UBL3: variants seen among roughly 807,000 people sequenced by gnomAD.
UBL3 encodes the protein ubiquitin-like protein 3.
Under a neutral mutation model 18.4 loss-of-function variants are expected in UBL3, and 6 were observed. That is an observed-to-expected ratio of 0.33 (90% CI 0.18 to 0.64). The LOEUF (loss-of-function observed/expected upper bound fraction) is 0.64. Among genes scored for constraint, UBL3 ranks in the 30% least tolerant of loss-of-function variants. UBL3 has a pLI of 0.76. For synonymous variants in UBL3, 49 were observed against 46.6 expected (o/e 1.05, Z -0.21); for missense variants, 109 against 142.9 (o/e 0.76, Z 1.21).
At chr13:29,837,766 T>C (rs1878994609) in intron 1 of UBL3, among the ~76,000 whole-genome samples, 1 of 151,750 alleles carries the variant, frequency 6.6e-6, no homozygotes, top group East Asian at 1.9e-4. Flanking sequence ...CACGTCTCTA[T>C]GAAAAATACA....
In UBL3 at chr13:29,803,333, C is replaced by A. The variant is rs975116801; in HGVS notation, c.28-26070G>T. Among the ~76,000 whole-genome samples the A allele has an allele frequency of 6.6e-5, 10 of 152,030 alleles. No homozygotes were observed. The South Asian group carries it at 2.1e-3, about 32-fold the overall frequency. ...CACACAGAAGTACATACTAAAAAAACAAAAGTACACAGACCACTGACACTA... is the reference window on the plus strand; with the variant it reads ...CACACAGAAGTACATACTAAAAAAAAAAAAGTACACAGACCACTGACACTA... On this transcript the variant is annotated intron_variant, in intron 1 of 4. Transcript: ENST00000380680.
intron 1 of UBL3, among the ~76,000 whole-genome samples, chr13:29,838,300 G>A (rs1382002178): frequency 6.6e-6 from 1 of 152,068 alleles, no homozygotes; most frequent in East Asian, 1.9e-4. Flanking sequence ...CAGAAGACCT[G>A]CACTAAAAGT....
At chr13:29,774,499 C>A (rs1197877392) in intron 2 of UBL3, among the ~76,000 whole-genome samples, 1 of 152,054 alleles carries the variant, frequency 6.6e-6, no homozygotes, top group Non-Finnish European at 1.5e-5. Context: ...TGATAGTTAT[C>A]TATTCCTGCC....
chr13:29,824,465 A>G (rs1452857244), intron 1 of UBL3, among the ~76,000 whole-genome samples: 1 of 152,192 alleles, frequency 6.6e-6, no homozygotes, highest in African/African-American at 2.4e-5. Context: ...GCCAGTGATG[A>G]TGAGCATTTC....
At chr13:29,820,875 G>C (rs1878417748) in intron 1 of UBL3, among the ~76,000 whole-genome samples, 5 of 152,042 alleles carry the variant, frequency 3.3e-5, no homozygotes, top group Non-Finnish European at 7.4e-5. Context: ...AATATATATA[G>C]TATTTAATAG....
chr13:29,793,981 AT>A (rs1375698671), intron 1 of UBL3, among the ~76,000 whole-genome samples: 1 of 152,104 alleles, frequency 6.6e-6, no homozygotes, highest in Non-Finnish European at 1.5e-5. Context: ...AGTAGCTGGG[AT>A]TACAGGTGTG....
chr13:29,810,296 G>T (rs942604209), intron 1 of UBL3, among the ~76,000 whole-genome samples: 2 of 152,052 alleles, frequency 1.3e-5, no homozygotes, highest in Non-Finnish European at 2.9e-5. Context: ...ACATTTGGGG[G>T]TCATCAGCAT....
chr13:29,810,879 G>A (rs1878057725), intron 1 of UBL3, among the ~76,000 whole-genome samples: 1 of 152,124 alleles, frequency 6.6e-6, no homozygotes, highest in African/African-American at 2.4e-5. Context: ...GTGGGAATGT[G>A]TTCTTTTGCT....
rs1593646716 is a variant in UBL3 at position 29,767,003 on chromosome 13, T to C, written c.*252A>G. On this transcript the variant is annotated 3_prime_UTR_variant, in exon 5 of 5. Coordinates refer to ENST00000380680, the MANE Select transcript of UBL3 (RefSeq NM_007106.4). ...AACTTGTTAACTTTTCCCCTGGAGA[T>C]TGACTGCATTCAAAAACCAATATGT... The C allele has an allele frequency of 6.1e-6, 2 of 326,104 alleles. No individual in the cohort carries two copies. Among genetic ancestry groups the C allele is most frequent in the Non-Finnish European group, 5.5e-6 (1 of 180,964 alleles). 20.2% of individuals were successfully genotyped at this position (326,104 alleles called of 1,614,324 possible).
intron 2 of UBL3, among the ~76,000 whole-genome samples, chr13:29,774,420 T>C (rs1224571765): frequency 6.6e-6 from 1 of 152,152 alleles, no homozygotes; most frequent in African/African-American, 2.4e-5. Flanking sequence ...AAAAATCTCA[T>C]AAAGGTAATC....
chr13:29,822,561 A>G (rs1477045787), intron 1 of UBL3, among the ~76,000 whole-genome samples: 1 of 152,194 alleles, frequency 6.6e-6, no homozygotes, highest in African/African-American at 2.4e-5. Flanking sequence ...GCACAACCAT[A>G]TTACTCCATA....
chr13:29,812,761 C>T (rs1414071323), intron 1 of UBL3, among the ~76,000 whole-genome samples: 1 of 151,982 alleles, frequency 6.6e-6, no homozygotes, highest in Admixed American at 6.6e-5. Context: ...AATCTGACAT[C>T]TGAATTCAGA....
At chr13:29,778,797 T>C (rs1877068316) in intron 1 of UBL3, among the ~76,000 whole-genome samples, 2 of 152,190 alleles carry the variant, frequency 1.3e-5, no homozygotes, top group African/African-American at 4.8e-5. Context: ...ATCTCCCCTA[T>C]AAAAATGCAT....
At chr13:29,841,988 C>T (rs1302314826) in intron 1 of UBL3, among the ~76,000 whole-genome samples, 1 of 152,108 alleles carries the variant, frequency 6.6e-6, no homozygotes, top group Non-Finnish European at 1.5e-5. Context: ...TTCCAAATCC[C>T]CTTCATTTAT....
intron 1 of UBL3, among the ~76,000 whole-genome samples, chr13:29,839,899 C>T (rs1263289569): frequency 2.0e-5 from 3 of 147,792 alleles, no homozygotes. Context: ...TGCATTCTAG[C>T]CTGGGCGACA....
At chr13:29,816,456 T>C (rs1325217421) in intron 1 of UBL3, among the ~76,000 whole-genome samples, 2 of 152,038 alleles carry the variant, frequency 1.3e-5, no homozygotes, top group African/African-American at 2.4e-5. Flanking sequence ...ATAGCAAATG[T>C]GTCTAAAATA....
chr13:29,793,936 C>G (rs1877544147), intron 1 of UBL3, among the ~76,000 whole-genome samples: 1 of 152,138 alleles, frequency 6.6e-6, no homozygotes, highest in Admixed American at 6.6e-5. Flanking sequence ...CCTCCACCCC[C>G]CAGGTTCAAG....
chr13:29,773,295 C>T (rs561793886), intron 2 of UBL3, among the ~76,000 whole-genome samples: 10 of 152,158 alleles, frequency 6.6e-5, no homozygotes, highest in East Asian at 3.9e-4. Flanking sequence ...GAAATGAATC[C>T]GTCATTTCCT....
chr13:29,781,401 T>C (rs1877170508), intron 1 of UBL3, among the ~76,000 whole-genome samples: 1 of 152,212 alleles, frequency 6.6e-6, no homozygotes, highest in South Asian at 2.1e-4. Flanking sequence ...TGTATTACTT[T>C]TAAAATAGAG....
Sources: gnomAD v4.1 joint callset for allele counts (sites outside exome capture counted in the v4.1 genomes callset) on GRCh38, gnomAD v4.1.1 for gene constraint, MANE v1.5 for transcripts, NCBI Gene and HGNC (gene_info 2026-07-23, HGNC 2026-07-21) for gene names.